Variants in NCALD observed in about 807,000 individuals in gnomAD.
NCALD encodes neurocalcin-delta.
In NCALD, 10 loss-of-function variants were observed where a neutral mutation model predicts 18.6. That is an observed-to-expected ratio of 0.54 (90% CI 0.33 to 0.91). The LOEUF (loss-of-function observed/expected upper bound fraction) is 0.91. NCALD is among the 40% of genes least tolerant of loss of function. The pLI is 0.03. For synonymous variants in NCALD, 88 were observed against 87.4 expected (o/e 1.01, Z -0.04); for missense variants, 184 against 247.6 (o/e 0.74, Z 1.72).
intron 3 of NCALD, among the ~76,000 whole-genome samples, chr8:101,897,310 T>G (rs557692211): frequency 5.1e-4 from 76 of 147,696 alleles, no homozygotes; most frequent in African/African-American, 1.8e-3. Context: ...GGTGGGAATT[T>G]AACAATGAGA....
intron 2 of NCALD, among the ~76,000 whole-genome samples, chr8:101,980,760 A>T (rs930042681): frequency 3.1e-4 from 47 of 152,232 alleles, no homozygotes; most frequent in Admixed American, 3.0e-3. Flanking sequence ...GCAAAAATAG[A>T]GCAGGTTACC....
chr8:101,721,852 G>A (rs118001687), intron 1 of NCALD, among the ~76,000 whole-genome samples: 5,105 of 146,404 alleles, frequency 0.035, 109 homozygotes, highest in Middle Eastern at 0.13. Flanking sequence ...GGTTCCCCCT[G>A]CCTTTTTTTT....
chr8:101,723,842 C>A (rs1816464998), intron 1 of NCALD, among the ~76,000 whole-genome samples: 1 of 152,102 alleles, frequency 6.6e-6, no homozygotes, highest in Non-Finnish European at 1.5e-5. Context: ...TATCATTAAC[C>A]TATTTACAGA....
At chr8:101,962,064 C>G (rs1186651678) in intron 2 of NCALD, among the ~76,000 whole-genome samples, 1 of 152,212 alleles carries the variant, frequency 6.6e-6, no homozygotes, top group East Asian at 1.9e-4. Flanking sequence ...AAGCAAAGGA[C>G]CAAACTGTGG....
chr8:101,834,998 A>G (rs781055755), intron 4 of NCALD, among the ~76,000 whole-genome samples: 6 of 152,230 alleles, frequency 3.9e-5, no homozygotes, highest in Non-Finnish European at 5.9e-5. Context: ...ACTTCTTTGT[A>G]ACTGGTTCCT....
At position 101,872,477 on chromosome 8, in the gene NCALD, T is replaced by C. The variant is rs1334635975; in HGVS notation, c.-20+14664A>G. The C allele has an allele frequency of 3.5e-6, 3 of 858,700 alleles. No individual in the cohort carries two copies. The Admixed American group carries it at 5.2e-5, about 15-fold the overall frequency. 53.2% of individuals were successfully genotyped at this position (858,700 alleles called of 1,614,324 possible). ...GCCTTCTCTTCTGATTCTTTTATAC[T>C]TTCCTTGGTGGGTAAGATGCCCTTC... is the stretch of plus-strand genomic sequence containing the variant. On this transcript the variant is annotated intron_variant, in intron 4 of 6. Coordinates refer to the NCALD transcript ENST00000311028.
chr8:101,800,491 G>T (rs1459755787), intron 4 of NCALD, among the ~76,000 whole-genome samples: 1 of 151,262 alleles, frequency 6.6e-6, no homozygotes, highest in African/African-American at 2.4e-5. Context: ...ATAATAGAAA[G>T]AAATGGTAAG....
At chr8:101,922,716 C>A (rs1368880740) in intron 2 of NCALD, among the ~76,000 whole-genome samples, 1 of 152,100 alleles carries the variant, frequency 6.6e-6, no homozygotes, top group African/African-American at 2.4e-5. Flanking sequence ...ATTCCAAGAA[C>A]CCCAAGTGGA....
intron 1 of NCALD, among the ~76,000 whole-genome samples, chr8:101,727,704 A>C (rs1365767974): frequency 2.0e-5 from 3 of 152,248 alleles, no homozygotes; most frequent in Non-Finnish European, 4.4e-5. Flanking sequence ...TTAAAGTTCT[A>C]TGAAGTCTTC....
chr8:101,888,049 T>G (rs1816737436), intron 3 of NCALD, among the ~76,000 whole-genome samples: 2 of 152,196 alleles, frequency 1.3e-5, no homozygotes, highest in African/African-American at 4.8e-5. Context: ...CAGTGAAAGT[T>G]CTGAGGTCAT....
chr8:101,962,592 C>G (rs1230683648), intron 2 of NCALD, among the ~76,000 whole-genome samples: 1 of 152,154 alleles, frequency 6.6e-6, no homozygotes, highest in Non-Finnish European at 1.5e-5. Context: ...AATGGCATCA[C>G]CTGGGATCTT....
intron 4 of NCALD, among the ~76,000 whole-genome samples, chr8:101,798,962 A>G (rs899838020): frequency 6.6e-6 from 1 of 152,224 alleles, no homozygotes; most frequent in Non-Finnish European, 1.5e-5. Context: ...TAATCTACAA[A>G]ATAAGTAATT....
chr8:101,888,512 T>A (rs1267560142), intron 3 of NCALD, among the ~76,000 whole-genome samples: 1 of 151,996 alleles, frequency 6.6e-6, no homozygotes, highest in Non-Finnish European at 1.5e-5. Flanking sequence ...CAAACTTCTA[T>A]GCTAAAGCAA....
At chr8:101,953,685 TA>T (rs1283373508) in intron 2 of NCALD, among the ~76,000 whole-genome samples, 5 of 152,148 alleles carry the variant, frequency 3.3e-5, no homozygotes, top group Admixed American at 3.3e-4. Context: ...GGAAGGAGAG[TA>T]ACTTAGGCCA....
intron 4 of NCALD, among the ~76,000 whole-genome samples, chr8:101,848,800 G>A (rs1814976117): frequency 1.3e-5 from 2 of 152,110 alleles, no homozygotes; most frequent in Admixed American, 1.3e-4. Context: ...TTGCTTCTAA[G>A]AATTTTAAGA....
At chr8:102,070,882 G>A (rs557904949) in intron 1 of NCALD, among the ~76,000 whole-genome samples, 9 of 152,096 alleles carry the variant, frequency 5.9e-5, no homozygotes, top group African/African-American at 1.9e-4. Context: ...CCCTTAATAC[G>A]ACTTCACTCA....
rs78984555 is a variant in NCALD, at chr8:101,693,246, G to T, written c.379-350C>A. 317 of 176,636 alleles carry T rather than the reference G, an allele frequency of 1.8e-3. 1 individual carries two copies. The highest frequency in any genetic ancestry group is 0.018 in the East Asian group (103 of 5,880). The allele number at this position is 176,636 out of a possible 1,614,324, so 10.9% of individuals were successfully genotyped here. ...GCTCACTGCAGGCTCCATTTCATAG[G>T]CTCAAGCAATCCTCCCACCTCAGTC... On this transcript the variant is annotated intron_variant, in intron 2 of 3. Transcript: ENST00000220931.
chr8:101,866,300 T>C (rs957416846), intron 4 of NCALD, among the ~76,000 whole-genome samples: 2 of 152,202 alleles, frequency 1.3e-5, no homozygotes, highest in Admixed American at 6.5e-5. Context: ...GATCTCTACA[T>C]TGGAGTCATC....
chr8:101,782,580 T>C (rs187600517), intron 1 of NCALD, among the ~76,000 whole-genome samples: 4 of 152,304 alleles, frequency 2.6e-5, no homozygotes, highest in African/African-American at 7.2e-5. Context: ...ATAGATTATA[T>C]ATTTTTTCCT....
Sources: gnomAD v4.1 joint callset for allele counts (sites outside exome capture counted in the v4.1 genomes callset) on GRCh38, gnomAD v4.1.1 for gene constraint, MANE v1.5 for transcripts, NCBI Gene and HGNC (gene_info 2026-07-23, HGNC 2026-07-21) for gene names.